The following DOCK3 variants were observed in gnomAD, a reference collection of about 807,000 sequenced individuals.
DOCK3 encodes the protein dedicator of cytokinesis protein 3.
DOCK3 carries 60 observed loss-of-function variants against 265.6 expected under a neutral mutation model. The ratio of observed to expected loss-of-function variants is 0.23; its 90% CI spans 0.18 to 0.28. The LOEUF is 0.28. Among genes scored for constraint, DOCK3 ranks in the 10% least tolerant of loss-of-function variants. DOCK3 has a pLI of 1.00. For missense variants in DOCK3, 1,981 were observed against 2,594.3 expected, an observed-to-expected ratio of 0.76 and a Z score of 5.14; for synonymous variants, 881 against 938.0, an observed-to-expected ratio of 0.94 and a Z score of 1.11.
At chr3:50,910,632 C>T (rs2049806622) in intron 4 of DOCK3, among the ~76,000 whole-genome samples, 1 of 152,138 alleles carries the variant, frequency 6.6e-6, no homozygotes, top group Non-Finnish European at 1.5e-5. Flanking sequence ...TAAGAGCCCA[C>T]TCCATGGGCA....
chr3:50,793,672 T>G (rs2042616393), intron 2 of DOCK3, among the ~76,000 whole-genome samples: 1 of 152,198 alleles, frequency 6.6e-6, no homozygotes, highest in Non-Finnish European at 1.5e-5. Flanking sequence ...TTATTAATTT[T>G]CTTTTCAAAA....
intron 1 of DOCK3, among the ~76,000 whole-genome samples, chr3:50,759,673 A>G (rs1483750445): frequency 1.5e-4 from 2 of 13,292 alleles, no homozygotes; most frequent in South Asian, 0.013. Context: ...CCCGTCTCTA[A>G]AAAAAAAAAA....
At chr3:51,281,954 C>G (rs978886790) in intron 27 of DOCK3, among the ~76,000 whole-genome samples, 4 of 152,188 alleles carry the variant, frequency 2.6e-5, no homozygotes, top group African/African-American at 9.6e-5. Flanking sequence ...AGTTTACTTT[C>G]TGCGGAAAGG....
At chr3:50,811,122 G>A (rs988537803) in intron 2 of DOCK3, among the ~76,000 whole-genome samples, 1 of 152,164 alleles carries the variant, frequency 6.6e-6, no homozygotes, top group African/African-American at 2.4e-5. Context: ...GACCAGGTAT[G>A]GTGGCTCATG....
At chr3:50,870,223 A>G (rs1651124897) in intron 3 of DOCK3, among the ~76,000 whole-genome samples, 1 of 152,170 alleles carries the variant, frequency 6.6e-6, no homozygotes, top group African/African-American at 2.4e-5. Flanking sequence ...TGATGTCTCC[A>G]GCTATTATGG....
intron 5 of DOCK3, among the ~76,000 whole-genome samples, chr3:50,951,869 A>G (rs1336253212): frequency 1.3e-5 from 2 of 152,162 alleles, no homozygotes; most frequent in African/African-American, 2.4e-5. Context: ...TTACCTTTTG[A>G]TGCCATTATG....
At chr3:51,201,811 T>C (rs556344236) in intron 12 of DOCK3, among the ~76,000 whole-genome samples, 2 of 152,218 alleles carry the variant, frequency 1.3e-5, no homozygotes, top group Admixed American at 6.5e-5. Flanking sequence ...ACAGAAATTA[T>C]AACAAACTGT....
intron 1 of DOCK3, among the ~76,000 whole-genome samples, chr3:50,752,505 C>A (rs2039887968): frequency 1.6e-5 from 1 of 62,658 alleles, no homozygotes; most frequent in African/African-American, 5.4e-5. Context: ...GAGAGTCCGT[C>A]TCAAAAAAAA....
At chr3:51,150,004 C>A (rs1488623216) in intron 10 of DOCK3, among the ~76,000 whole-genome samples, 1 of 152,102 alleles carries the variant, frequency 6.6e-6, no homozygotes, top group Non-Finnish European at 1.5e-5. Flanking sequence ...TTAATTATTG[C>A]CTCAATTTTA....
At position 51,359,456 on chromosome 3, in the gene DOCK3, T is replaced by C. The variant is rs2086580817; in HGVS notation, c.4885-1055T>C. ...GCTCTTTTACATCTCCGCCTTAAAATTGGAGTGTCCATTTAGTTAAGAACT... is the reference window on the plus strand; with the variant it reads ...GCTCTTTTACATCTCCGCCTTAAAACTGGAGTGTCCATTTAGTTAAGAACT... On this transcript the variant is annotated intron_variant, in intron 46 of 52. Coordinates refer to ENST00000266037, the MANE Select transcript of DOCK3 (RefSeq NM_004947.5). The surrounding 1 kb of genome is among the most constrained non-coding windows in gnomAD (Gnocchi z 4.8). 6.6e-6 allele frequency among the ~76,000 whole-genome samples: 1 copy of C among 152,240 alleles called. No individual in the cohort carries two copies. The highest frequency in any genetic ancestry group is 1.5e-5 in the Non-Finnish European group (1 of 68,044).
intron 3 of DOCK3, among the ~76,000 whole-genome samples, chr3:50,844,244 C>T (rs1288044564): frequency 6.6e-6 from 1 of 152,204 alleles, no homozygotes; most frequent in Non-Finnish European, 1.5e-5. Flanking sequence ...GAGATTGAGT[C>T]TCACTCTGTC....
chr3:51,225,911 G>GA, intron 15 of DOCK3, 138 bp downstream of exon 15: 1 of 1,164,560 alleles, frequency 8.6e-7, no homozygotes, highest in Non-Finnish European at 1.2e-6. Context: ...TTTCTTTCTT[G>GA]AAGAAAACTC....
intron 5 of DOCK3, among the ~76,000 whole-genome samples, chr3:51,008,542 G>A (rs913912787): frequency 7.2e-5 from 11 of 152,156 alleles, no homozygotes; most frequent in African/African-American, 2.7e-4. Flanking sequence ...AGACAATGGG[G>A]TTTTCCAAAT....
In DOCK3 at chr3:51,330,218, C is replaced by T; in HGVS notation, c.3483C>T (p.Ser1161=). ...ACGAGAGCTACAGGGAGCTCTTCAG[C>T]CTACTGTAAGCTGCTCCAGCCCCAG... ...KGDESYRELF[S]LLTQLFGPYP... The change falls in exon 33 of 53, where the codon AGC becomes AGT. Residue 1161 remains serine, a synonymous_variant. Coordinates refer to ENST00000266037, the MANE Select transcript of DOCK3 (RefSeq NM_004947.5). The T allele has an allele frequency of 6.3e-7, 1 of 1,594,088 alleles. No individual in the cohort carries two copies. Among genetic ancestry groups the T allele is most frequent in the Non-Finnish European group, 8.5e-7 (1 of 1,170,280 alleles).
chr3:51,093,900 G>A (rs550711100), intron 9 of DOCK3, among the ~76,000 whole-genome samples: 1 of 152,102 alleles, frequency 6.6e-6, no homozygotes, highest in Non-Finnish European at 1.5e-5. Flanking sequence ...TTTATCGAAG[G>A]CCTTTTCTGC....
At chr3:50,683,596 G>C (rs1439933941) in intron 1 of DOCK3, among the ~76,000 whole-genome samples, 1 of 152,196 alleles carries the variant, frequency 6.6e-6, no homozygotes, top group Non-Finnish European at 1.5e-5. Flanking sequence ...TTTGGGGTTA[G>C]GATGGGCTCC....
At chr3:51,006,776 C>T (rs1271111452) in intron 5 of DOCK3, among the ~76,000 whole-genome samples, 1 of 152,122 alleles carries the variant, frequency 6.6e-6, no homozygotes, top group African/African-American at 2.4e-5. Flanking sequence ...CTCCCTGCTC[C>T]CCCTACCCCA....
intron 1 of DOCK3, among the ~76,000 whole-genome samples, chr3:50,705,420 T>C (rs746931158): frequency 4.6e-5 from 7 of 152,042 alleles, no homozygotes; most frequent in Non-Finnish European, 1.0e-4. Flanking sequence ...TTTTCATTTT[T>C]ATTTTTATTT....
In DOCK3 at chr3:51,250,309, AAAAAC is replaced by A. The variant is rs923493214; in HGVS notation, c.2184+3523_2184+3527del. Among the ~76,000 whole-genome samples the A allele has an allele frequency of 4.3e-3, 647 of 151,758 alleles. 2 individuals are homozygous for A. Among genetic ancestry groups the A allele is most frequent in the Non-Finnish European group, 7.2e-3 (491 of 67,942 alleles). ...AAATTAAAAAAAATAATAAAAAATA[AAAAAC>A]AAAACAAAACAAAACAAAACTTGGC... On this transcript the variant is annotated intron_variant, in intron 22 of 52. Coordinates refer to ENST00000266037, the MANE Select transcript of DOCK3 (RefSeq NM_004947.5).
Sources: allele counts gnomAD v4.1 joint callset (sites outside exome capture counted in the v4.1 genomes callset), GRCh38; gene constraint gnomAD v4.1.1; non-coding constraint Gnocchi (gnomAD v3.1); transcripts MANE v1.5; gene names NCBI Gene and HGNC (gene_info 2026-07-23, HGNC 2026-07-21).